PLCB4: variants seen among roughly 807,000 people sequenced by gnomAD.
The protein encoded by PLCB4 is phospholipase C beta 4.
A neutral mutation model predicts 178.8 loss-of-function variants in PLCB4; 77 were observed. The ratio of observed to expected loss-of-function variants is 0.43; its 90% CI spans 0.36 to 0.52. PLCB4 has a LOEUF of 0.52. Ranked by LOEUF, PLCB4 falls within the 20% of genes least tolerant of loss-of-function variation. The probability of loss-of-function intolerance (pLI) is 0.00; values close to 1 mark genes in which losing one functional copy is unlikely to be tolerated. For missense variants in PLCB4, 1,024 were observed against 1,453.4 expected (o/e 0.70, Z 4.80); for synonymous variants, 496 against 490.8 (o/e 1.01, Z -0.14).
chr20:9,166,217 G>T (rs1600840880), intron 2 of PLCB4: 1 of 151,944 alleles, frequency 6.6e-6, no homozygotes, highest in South Asian at 2.1e-4. Context: ...ACAAAGATTT[G>T]TTTTAAGGAA....
At chr20:9,396,834 A>G (rs1460140966) in intron 19 of PLCB4, among the ~76,000 whole-genome samples, 3 of 152,224 alleles carry the variant, frequency 2.0e-5, no homozygotes, top group Non-Finnish European at 4.4e-5. Flanking sequence ...TAACTTAATT[A>G]AAAAATACCT....
At chr20:9,192,309 A>C (rs896695482) in intron 2 of PLCB4, among the ~76,000 whole-genome samples, 2 of 152,140 alleles carry the variant, frequency 1.3e-5, no homozygotes, top group Non-Finnish European at 2.9e-5. Flanking sequence ...GACTTAACCT[A>C]ATATAAAAGA....
At chr20:9,415,001 G>A (rs1422369046) in intron 25 of PLCB4, among the ~76,000 whole-genome samples, 1 of 152,104 alleles carries the variant, frequency 6.6e-6, no homozygotes, top group Non-Finnish European at 1.5e-5. Flanking sequence ...ATATATTGTG[G>A]TTCTACACAT....
chr20:9,294,598 G>T (rs2094612746), intron 3 of PLCB4, among the ~76,000 whole-genome samples: 1 of 152,110 alleles, frequency 6.6e-6, no homozygotes, highest in African/African-American at 2.4e-5. Flanking sequence ...TCTTTTCCTG[G>T]TAAATTGGGC....
At chr20:9,354,378 G>A (rs973260298) in intron 7 of PLCB4, among the ~76,000 whole-genome samples, 10 of 152,152 alleles carry the variant, frequency 6.6e-5, no homozygotes, top group African/African-American at 4.8e-5. Flanking sequence ...CCCTCCAGTG[G>A]CCACCTACAC....
At chr20:9,436,593 A>G (rs560170646) in intron 29 of PLCB4, among the ~76,000 whole-genome samples, 3 of 152,258 alleles carry the variant, frequency 2.0e-5, no homozygotes, top group Admixed American at 6.5e-5. Context: ...GCCTCAAGCA[A>G]TCCTCCCACC....
At chr20:9,287,077 T>G (rs973455622) in intron 3 of PLCB4, among the ~76,000 whole-genome samples, 2 of 152,078 alleles carry the variant, frequency 1.3e-5, no homozygotes, top group Non-Finnish European at 2.9e-5. Context: ...TCAGCATGTT[T>G]GTTAACAATG....
intron 37 of PLCB4, 99 bp from the exon 38 acceptor site, chr20:9,473,180 C>G (rs1315852302): frequency 7.5e-6 from 5 of 669,442 alleles, no homozygotes; most frequent in Middle Eastern, 4.4e-4. Flanking sequence ...ATTATTATCT[C>G]TTTCACTTAA....
rs755390313 is a variant in PLCB4, at chr20:9,108,898, CAA to C, written c.-79+12557_-79+12558del. ...ATGAGAGAGAGAGGAAGAGAGAAAA[CAA>C]GAGAGAGAGAGAGAGAGAGAGAGAG... On this transcript the variant is annotated intron_variant, in intron 2 of 39. Coordinates refer to ENST00000378473, the MANE Select transcript of PLCB4 (RefSeq NM_001377142.1). 3.8e-4 allele frequency among the ~76,000 whole-genome samples: 27 copies of C among 71,178 alleles called. No homozygotes were observed. In the East Asian group the frequency reaches 8.6e-3, roughly 23 times the overall value. 46.7% of individuals were successfully genotyped at this position (71,178 alleles called of 152,430 possible).
chr20:9,452,498 T>C (rs1477744805), intron 32 of PLCB4, among the ~76,000 whole-genome samples: 1 of 152,126 alleles, frequency 6.6e-6, no homozygotes, highest in East Asian at 1.9e-4. Context: ...TCATTTAGAG[T>C]TGGAAATTTC....
intron 13 of PLCB4, among the ~76,000 whole-genome samples, chr20:9,381,566 G>T (rs2037145755): frequency 6.6e-6 from 1 of 152,182 alleles, no homozygotes; most frequent in Non-Finnish European, 1.5e-5. Context: ...GTGTGTCCTT[G>T]TTTATTTCCA....
chr20:9,287,718 A>G (rs889329453), intron 3 of PLCB4, among the ~76,000 whole-genome samples: 1 of 152,094 alleles, frequency 6.6e-6, no homozygotes, highest in African/African-American at 2.4e-5. Context: ...CAGAAATGCA[A>G]TAGTGACCTT....
At chr20:9,278,265 G>A (rs974330309) in intron 3 of PLCB4, among the ~76,000 whole-genome samples, 1 of 152,028 alleles carries the variant, frequency 6.6e-6, no homozygotes, top group Non-Finnish European at 1.5e-5. Flanking sequence ...AATCAGGAAA[G>A]GGTTTGCCAT....
At chr20:9,434,983 T>C (rs977296930) in intron 28 of PLCB4, among the ~76,000 whole-genome samples, 9 of 152,208 alleles carry the variant, frequency 5.9e-5, no homozygotes, top group African/African-American at 1.9e-4. Flanking sequence ...AATATTAAAT[T>C]CTACTATCTT....
chr20:9,121,115 A>G (rs2091951538), intron 2 of PLCB4, among the ~76,000 whole-genome samples: 1 of 152,170 alleles, frequency 6.6e-6, no homozygotes, highest in African/African-American at 2.4e-5. Context: ...TTATCCACAC[A>G]CCATTGGAGG....
At chr20:9,100,329 T>A (rs1209526896) in intron 2 of PLCB4, among the ~76,000 whole-genome samples, 1 of 152,204 alleles carries the variant, frequency 6.6e-6, no homozygotes, top group Non-Finnish European at 1.5e-5. Context: ...CTAATGGACA[T>A]CCTCCTTACG....
At chr20:9,114,034 T>C (rs1392915820) in intron 2 of PLCB4, among the ~76,000 whole-genome samples, 1 of 151,986 alleles carries the variant, frequency 6.6e-6, no homozygotes, top group Non-Finnish European at 1.5e-5. Context: ...GCCAACATGG[T>C]GAAACCCTGT....
intron 3 of PLCB4, among the ~76,000 whole-genome samples, chr20:9,257,307 A>G (rs2094246311): frequency 6.6e-6 from 1 of 152,232 alleles, no homozygotes; most frequent in African/African-American, 2.4e-5. Flanking sequence ...CTAAAATGAC[A>G]CAAGTGAGAA....
intron 3 of PLCB4, among the ~76,000 whole-genome samples, chr20:9,307,528 C>T (rs1023293494): frequency 1.1e-4 from 16 of 144,492 alleles, no homozygotes; most frequent in African/African-American, 3.5e-4. Flanking sequence ...CACACACACA[C>T]ACACACACAC....
Sources: allele counts gnomAD v4.1 joint callset (sites outside exome capture counted in the v4.1 genomes callset), GRCh38; gene constraint gnomAD v4.1.1; transcripts MANE v1.5; gene names NCBI Gene and HGNC (gene_info 2026-07-23, HGNC 2026-07-21).